Variants in EXT2 observed in about 807,000 individuals in gnomAD.
The protein encoded by EXT2 is exostosin-2.
A neutral mutation model predicts 81.6 loss-of-function variants in EXT2; 53 were observed. The observed-to-expected ratio is 0.65, with a 90% confidence interval of 0.52 to 0.82. The LOEUF is 0.82. EXT2 is among the 40% of genes least tolerant of loss of function. EXT2 has a pLI of 0.00. For synonymous variants in EXT2, 320 were observed against 340.0 expected (o/e 0.94, Z 0.65); for missense variants, 774 against 910.2 (o/e 0.85, Z 1.93).
At chr11:44,152,595 C>G (rs1954806823) in intron 7 of EXT2, among the ~76,000 whole-genome samples, 1 of 152,162 alleles carries the variant, frequency 6.6e-6, no homozygotes, top group Non-Finnish European at 1.5e-5. Flanking sequence ...AGGTGATCTG[C>G]CCTCCTCGCC....
intron 7 of EXT2, among the ~76,000 whole-genome samples, chr11:44,163,530 A>G (rs1353602182): frequency 6.6e-6 from 1 of 152,246 alleles, no homozygotes; most frequent in Non-Finnish European, 1.5e-5. Flanking sequence ...GTTAAAGCCA[A>G]CAAATGAAAA....
chr11:44,248,489 C>G lies in EXT2; in HGVS notation c.*4202C>G, dbSNP rs897710981. 5.3e-5 allele frequency among the ~76,000 whole-genome samples: 8 copies of G among 152,232 alleles called. No individual in the cohort carries two copies. Among genetic ancestry groups the G allele is most frequent in the Non-Finnish European group, 1.0e-4 (7 of 68,040 alleles). ...CCTGTGTTTGGTACTCACCCACTTTCTACTTCTGAGTAGAATCAAGGGCAG... is the reference window on the plus strand; with the variant it reads ...CCTGTGTTTGGTACTCACCCACTTTGTACTTCTGAGTAGAATCAAGGGCAG... On this transcript the variant is annotated 3_prime_UTR_variant, in exon 14 of 14. Transcript: ENST00000533608.
intron 1 of EXT2, among the ~76,000 whole-genome samples, chr11:44,106,369 T>A (rs2134961731): frequency 6.6e-6 from 1 of 152,304 alleles, no homozygotes; most frequent in Admixed American, 6.5e-5. Flanking sequence ...CTTCATTTCT[T>A]CCATTTATCT....
chr11:44,128,740 G>A (rs1268554257), intron 6 of EXT2, among the ~76,000 whole-genome samples: 6 of 152,192 alleles, frequency 3.9e-5, no homozygotes, highest in African/African-American at 2.4e-5. Flanking sequence ...AGAAGGCCTA[G>A]GTTGAGATAA....
At chr11:44,151,669 G>A (rs1052975074) in intron 7 of EXT2, among the ~76,000 whole-genome samples, 1 of 152,178 alleles carries the variant, frequency 6.6e-6, no homozygotes, top group African/African-American at 2.4e-5. Flanking sequence ...TAAAGCTGCT[G>A]TAAACATCTG....
intron 8 of EXT2, among the ~76,000 whole-genome samples, chr11:44,185,763 A>G (rs1216171275): frequency 6.6e-6 from 1 of 151,846 alleles, no homozygotes; most frequent in African/African-American, 2.4e-5. Context: ...TAATTTAATC[A>G]CTCCCCAAAG....
chr11:44,214,230 C>A (rs1955687981), intron 10 of EXT2, among the ~76,000 whole-genome samples: 1 of 152,168 alleles, frequency 6.6e-6, no homozygotes, highest in Non-Finnish European at 1.5e-5. Context: ...TCTTCTGCCT[C>A]AGCCTCTCCG....
At chr11:44,097,293 G>T (rs1180617468) in intron 1 of EXT2, among the ~76,000 whole-genome samples, 1 of 152,182 alleles carries the variant, frequency 6.6e-6, no homozygotes, top group African/African-American at 2.4e-5. Context: ...GATTAAAAGG[G>T]CATTGTTTTT....
chr11:44,150,232 C>T (rs1042277904), intron 7 of EXT2, among the ~76,000 whole-genome samples: 4 of 151,876 alleles, frequency 2.6e-5, no homozygotes, highest in South Asian at 2.1e-4. Context: ...CTGAGAAGGG[C>T]GAGAGAGAGA....
chr11:44,176,922 TA>T (rs35564934), intron 8 of EXT2, among the ~76,000 whole-genome samples: 6,025 of 131,790 alleles, frequency 0.046, 272 homozygotes, highest in African/African-American at 0.13. Flanking sequence ...TAGTTTAATG[TA>T]AAAAAAAAAA....
chr11:44,109,349 A>G, intron 3 of EXT2, 66 bp downstream of exon 3: 3 of 1,336,478 alleles, frequency 2.2e-6, no homozygotes, highest in Non-Finnish European at 3.2e-6. Flanking sequence ...GTGAAATTAT[A>G]TTCCTAAATC....
rs1956099238 is a variant in EXT2, at chr11:44,246,942, A to T, written c.*2655A>T. ...TTAAGAAATCTTTTTAAAGAAACAC[A>T]TCTTACTGGCCTATAGAGAAGACGA... On this transcript the variant is annotated 3_prime_UTR_variant, in exon 14 of 14. Transcript: ENST00000533608. Among the ~76,000 whole-genome samples, 1 of 152,260 alleles carries T rather than the reference A, an allele frequency of 6.6e-6. No individual in the cohort carries two copies. The highest frequency in any genetic ancestry group is 2.1e-4 in the South Asian group (1 of 4,828).
At chr11:44,236,421 A>G (rs1477072456) in intron 13 of EXT2, 46 bp downstream of exon 13, 3 of 1,570,140 alleles carry the variant, frequency 1.9e-6, no homozygotes, top group Admixed American at 1.7e-5. Flanking sequence ...TCTGATCTCT[A>G]TTTCCTGCCT....
intron 13 of EXT2, among the ~76,000 whole-genome samples, chr11:44,242,308 A>G (rs1010675791): frequency 1.3e-5 from 2 of 152,216 alleles, no homozygotes; most frequent in African/African-American, 2.4e-5. Flanking sequence ...CTTTGACCCC[A>G]TAATTTGAAG....
At chr11:44,166,157 C>T (rs943775664) in intron 7 of EXT2, among the ~76,000 whole-genome samples, 1 of 152,076 alleles carries the variant, frequency 6.6e-6, no homozygotes, top group African/African-American at 2.4e-5. Flanking sequence ...TCCTCTGAAA[C>T]AACAGAAAAA....
At chr11:44,185,713 A>G (rs1955301417) in intron 8 of EXT2, among the ~76,000 whole-genome samples, 1 of 152,202 alleles carries the variant, frequency 6.6e-6, no homozygotes, top group African/African-American at 2.4e-5. Flanking sequence ...TTTCTTGGTT[A>G]TAACTGTGTT....
intron 8 of EXT2, among the ~76,000 whole-genome samples, chr11:44,176,081 C>A (rs754583996): frequency 8.5e-5 from 13 of 152,260 alleles, no homozygotes; most frequent in Non-Finnish European, 1.5e-4. Flanking sequence ...AATGTTACTA[C>A]TGTTCCAAGC....
At chr11:44,195,868 C>T (rs1355250078) in intron 8 of EXT2, among the ~76,000 whole-genome samples, 1 of 152,164 alleles carries the variant, frequency 6.6e-6, no homozygotes, top group African/African-American at 2.4e-5. Flanking sequence ...CCGAATTACA[C>T]ATTTAACAAT....
At chr11:44,176,667 C>A (rs978080279) in intron 8 of EXT2, among the ~76,000 whole-genome samples, 3 of 152,242 alleles carry the variant, frequency 2.0e-5, no homozygotes, top group South Asian at 4.2e-4. Flanking sequence ...AAATATTTAA[C>A]CTACTCTAGA....
Sources: allele counts gnomAD v4.1 joint callset (sites outside exome capture counted in the v4.1 genomes callset), GRCh38; gene constraint gnomAD v4.1.1; transcripts MANE v1.5; gene names NCBI Gene and HGNC (gene_info 2026-07-23, HGNC 2026-07-21).